NCKAP1L: variants seen among roughly 807,000 people sequenced by gnomAD.
NCKAP1L encodes NCK associated protein 1 like, also known as nck-associated protein 1-like.
A neutral mutation model predicts 139.2 loss-of-function variants in NCKAP1L; 53 were observed. The ratio of observed to expected loss-of-function variants is 0.38; its 90% confidence interval spans 0.31 to 0.48. The LOEUF is 0.48. Ranked by LOEUF, NCKAP1L falls within the 20% of genes least tolerant of loss-of-function variation. The pLI, the probability that NCKAP1L is intolerant of heterozygous loss-of-function variation, is 0.98. For missense variants in NCKAP1L, 1,151 were observed against 1,381.9 expected, an observed-to-expected ratio of 0.83 and a Z score of 2.65; for synonymous variants, 468 against 499.7, an observed-to-expected ratio of 0.94 and a Z score of 0.85.
At chr12:54,500,493 T>C in intron 2 of NCKAP1L, 40 bp from the exon 3 acceptor site, 1 of 1,360,546 alleles carries the variant, frequency 7.3e-7, no homozygotes, top group Non-Finnish European at 1.1e-6. Context: ...AATTGTCTTA[T>C]TTTGCACTTT....
At chr12:54,500,219 G>C (rs1956786942) in intron 2 of NCKAP1L, among the ~76,000 whole-genome samples, 1 of 151,646 alleles carries the variant, frequency 6.6e-6, no homozygotes, top group Non-Finnish European at 1.5e-5. Context: ...TGCTTCCCAG[G>C]TTCAAGTGAT....
chr12:54,540,316 A>G lies in NCKAP1L; in HGVS notation c.3273+1343A>G, dbSNP rs913137264. On this transcript the variant is annotated intron_variant, in intron 30 of 30. Transcript: ENST00000293373. ...TATGCCTTAGTTTCTCCAACTAGAA[A>G]AAGGCCTAGGCTGGGCTGGTTAAGG... Among the ~76,000 whole-genome samples the G allele has an allele frequency of 3.9e-5, 6 of 152,158 alleles. No individual in the cohort carries two copies. In the East Asian group the frequency reaches 7.7e-4, roughly 20 times the overall value.
intron 4 of NCKAP1L, 86 bp downstream of exon 4, chr12:54,507,995 G>A (rs1381116811): frequency 2.6e-6 from 3 of 1,160,934 alleles, no homozygotes; most frequent in Non-Finnish European, 3.9e-6. Context: ...CTCACAGGAT[G>A]GGGTGGGAAG....
chr12:54,528,828 G>A (rs1484216543), intron 22 of NCKAP1L, among the ~76,000 whole-genome samples: 1 of 151,830 alleles, frequency 6.6e-6, no homozygotes, highest in Non-Finnish European at 1.5e-5. Flanking sequence ...GTAGAGATGG[G>A]GTTTCACCAT....
chr12:54,511,949 T>C lies in NCKAP1L; in HGVS notation c.785T>C (p.Ile262Thr). ...SVEVMERWIIIGFLLCHGCLN... is the reference protein window; with the variant it reads ...SVEVMERWIITGFLLCHGCLN... ...CTCTGCACTGTTTTCCCACCTACAG[T>C]TGGGTTTCTTCTTTGTCATGGGTGC... Residue 262 changes from isoleucine to threonine, a missense_variant and splice_region_variant, in exon 9 of 31, where the codon ATT (isoleucine) becomes ACT (threonine). Ile to Thr is a moderately conservative substitution (Grantham distance 89, BLOSUM62 -1). Coordinates refer to ENST00000293373, the MANE Select transcript of NCKAP1L (RefSeq NM_005337.5). The C allele has an allele frequency of 6.2e-7, 1 of 1,614,130 alleles. No homozygotes were observed. Among genetic ancestry groups the C allele is most frequent in the Non-Finnish European group, 8.5e-7 (1 of 1,180,014 alleles).
intron 3 of NCKAP1L, among the ~76,000 whole-genome samples, chr12:54,504,628 TGATG>T (rs1194111053): frequency 4.6e-5 from 7 of 152,226 alleles, no homozygotes; most frequent in African/African-American, 1.7e-4. Flanking sequence ...CATTGAAGTA[TGATG>T]CACTGTTAAG....
At chr12:54,517,058 ACT>A in intron 11 of NCKAP1L, 66 bp downstream of exon 11, 4 of 1,363,040 alleles carry the variant, frequency 2.9e-6, no homozygotes, top group Non-Finnish European at 4.2e-6. Context: ...GCTACGTGGC[ACT>A]CACGAGATTT....
At chr12:54,530,924 G>A (rs73310383) in intron 22 of NCKAP1L, among the ~76,000 whole-genome samples, 94 of 152,280 alleles carry the variant, frequency 6.2e-4, no homozygotes, top group African/African-American at 2.1e-3. Context: ...AAGGTCTTAC[G>A]TCTAATAAAA....
chr12:54,519,449 TTA>T, intron 16 of NCKAP1L, 117 bp downstream of exon 16: 10 of 887,128 alleles, frequency 1.1e-5, no homozygotes, highest in East Asian at 3.3e-5. Context: ...TTTTTTTTTT[TTA>T]AAGAGACAGA....
In NCKAP1L at chr12:54,546,491, A is replaced by G. The variant is rs1446552098; in HGVS notation, c.*3806A>G. On this transcript the variant is annotated 3_prime_UTR_variant, in exon 31 of 31. Transcript: ENST00000293373. ...CCAGGATCCAGGAGGGAGGGAGGGT[A>G]TATCTGTGTCCCCCAGCTAGGGACA... 6.6e-6 allele frequency: 1 copy of G among 152,164 alleles called. No homozygotes were observed. The highest frequency in any genetic ancestry group is 1.5e-5 in the Non-Finnish European group (1 of 68,066). 9.4% of individuals were successfully genotyped at this position (152,164 alleles called of 1,614,324 possible).
intron 13 of NCKAP1L, among the ~76,000 whole-genome samples, chr12:54,518,392 A>G (rs147146139): frequency 7.2e-4 from 109 of 152,310 alleles, no homozygotes; most frequent in East Asian, 5.0e-3. Flanking sequence ...AAGAAAAAGA[A>G]AGGACTAATA....
At chr12:54,531,709 A>G (rs1300309423) in intron 24 of NCKAP1L, 34 bp from the exon 25 acceptor site, 1 of 1,607,464 alleles carries the variant, frequency 6.2e-7, no homozygotes, top group Non-Finnish European at 8.5e-7. Context: ...TCCCTCTCTA[A>G]ATTATCTTTT....
chr12:54,506,790 A>ATATATATATAT (rs1165268195), intron 3 of NCKAP1L, among the ~76,000 whole-genome samples: 1 of 27,550 alleles, frequency 3.6e-5, no homozygotes, highest in African/African-American at 2.8e-4. Flanking sequence ...CATATTAAAA[A>ATATATATATAT]AAAAAAATAT....
Position 54,523,900 on chromosome 12 carries a change from A to G in NCKAP1L, c.2100A>G (p.Glu700=), listed in dbSNP as rs1957006896. The G allele has an allele frequency of 1.2e-6, 2 of 1,614,170 alleles. No individual in the cohort carries two copies. Among genetic ancestry groups the G allele is most frequent in the Non-Finnish European group, 1.7e-6 (2 of 1,180,002 alleles). The change falls in exon 20 of 31, where the codon GAA becomes GAG. Residue 700 remains glutamate, a synonymous_variant. Coordinates refer to ENST00000293373, the MANE Select transcript of NCKAP1L (RefSeq NM_005337.5). The stretch of plus-strand genomic sequence containing the variant: ...ATGTATACAGTTTCTCCGTGTTTGA[A>G]CATACTATCTTCCCTTCTGAGTACC... ...MNHVYSFSVF[E]HTIFPSEYLS...
chr12:54,532,187 C>A lies in NCKAP1L; in HGVS notation c.2799C>A (p.Cys933Ter). 6.2e-7 allele frequency: 1 copy of A among 1,612,970 alleles called. No homozygotes were observed. The highest frequency in any genetic ancestry group is 8.5e-7 in the Non-Finnish European group (1 of 1,179,386). The change falls in exon 26 of 31, where the codon TGC becomes TGA. Residue 933 changes from cysteine (C) to a stop codon, truncating the protein, a stop_gained. Coordinates refer to ENST00000293373, the MANE Select transcript of NCKAP1L (RefSeq NM_005337.5). LOFTEE classifies it high-confidence loss of function. ...EGLREVFSSH[C>*]PFLMGPIECL... Reference sequence around the variant, plus strand: ...TCCTCCAGGTTTTCTCCTCCCACTGCCCATTTCTTATGGGTCCCATTGAGT... The same window carrying A: ...TCCTCCAGGTTTTCTCCTCCCACTGACCATTTCTTATGGGTCCCATTGAGT...
At chr12:54,500,126 C>CT (rs35014155) in intron 2 of NCKAP1L, among the ~76,000 whole-genome samples, 2 of 141,934 alleles carry the variant, frequency 1.4e-5, no homozygotes, top group African/African-American at 5.2e-5. Context: ...CTTTTCTTTT[C>CT]TTTTTTTTTT....
chr12:54,520,253 T>C (rs1396410991), intron 16 of NCKAP1L, among the ~76,000 whole-genome samples: 1 of 152,142 alleles, frequency 6.6e-6, no homozygotes, highest in Non-Finnish European at 1.5e-5. Context: ...TGAGAGGACA[T>C]GGGTTGAGGA....
chr12:54,498,709 AG>A (rs1397470846), intron 1 of NCKAP1L: 1 of 820,362 alleles, frequency 1.2e-6, no homozygotes, highest in African/African-American at 1.9e-5. Context: ...TCTTGTACAA[AG>A]TCTAACTCCT....
At chr12:54,517,095 C>A in intron 11 of NCKAP1L, 103 bp downstream of exon 11, 2 of 922,066 alleles carry the variant, frequency 2.2e-6, no homozygotes, top group Non-Finnish European at 3.5e-6. Flanking sequence ...TTTTGTCATT[C>A]ATTTGTATGT....
Sources: allele counts gnomAD v4.1 joint callset (sites outside exome capture counted in the v4.1 genomes callset), GRCh38; gene constraint gnomAD v4.1.1; transcripts MANE v1.5; gene names NCBI Gene and HGNC (gene_info 2026-07-23, HGNC 2026-07-21).